CHEK2: variants seen among roughly 807,000 people sequenced by gnomAD.
The protein encoded by CHEK2 is serine/threonine-protein kinase Chk2.
CHEK2 carries 71 observed loss-of-function variants against 69.1 expected under a neutral mutation model. That is an observed-to-expected ratio of 1.03 (90% CI 0.85 to 1.25). The LOEUF (loss-of-function observed/expected upper bound fraction) is 1.25. Among genes scored for constraint, CHEK2 ranks in the 50% most tolerant of loss-of-function variants. CHEK2 has a pLI of 0.00. For synonymous variants in CHEK2, 189 were observed against 226.9 expected (o/e 0.83, Z 1.50); for missense variants, 664 against 649.6 (o/e 1.02, Z -0.24).
chr22:28,741,366 C>G (rs773567546), intron 1 of CHEK2, among the ~76,000 whole-genome samples: 1 of 151,640 alleles, frequency 6.6e-6, no homozygotes, highest in Non-Finnish European at 1.5e-5. Context: ...TATTTAGGGA[C>G]ACGCAGAACA....
chr22:28,725,395 GC>G (rs1399708061), intron 2 of CHEK2, 28 bp from the exon 3 acceptor site: 1 of 1,613,752 alleles, frequency 6.2e-7, no homozygotes, highest in Non-Finnish European at 8.5e-7. Flanking sequence ...GCATCAGAGG[GC>G]TGTTGAATTT....
At chr22:28,723,809 C>T (rs1413079986) in intron 4 of CHEK2, among the ~76,000 whole-genome samples, 2 of 151,502 alleles carry the variant, frequency 1.3e-5, no homozygotes, top group African/African-American at 2.4e-5. Context: ...ATTAGCCAGG[C>T]GTGGTGGCAT....
At chr22:28,722,502 T>TG (rs2053825277) in intron 4 of CHEK2, among the ~76,000 whole-genome samples, 1 of 131,032 alleles carries the variant, frequency 7.6e-6, no homozygotes, top group African/African-American at 3.0e-5. Context: ...ATCATGCCAC[T>TG]GCACTCCAGC....
At chr22:28,734,332 C>T in intron 2 of CHEK2, 71 bp downstream of exon 2, 1 of 1,474,654 alleles carries the variant, frequency 6.8e-7, no homozygotes. Flanking sequence ...CAGAACCTTC[C>T]ACCTGGTAAT....
Position 28,699,347 on chromosome 22 carries a change from C to G in CHEK2, c.1008+491G>C, listed in dbSNP as rs141915434. 2.0e-5 allele frequency among the ~76,000 whole-genome samples: 3 copies of G among 147,830 alleles called. 1 individual carries two copies. Among genetic ancestry groups the G allele is most frequent in the African/African-American group, 7.4e-5 (3 of 40,398 alleles). On this transcript the variant is annotated intron_variant, in intron 9 of 14. Transcript: ENST00000404276. ...CTTTCTTACTTTCTCTTAAGCTACACAGTGAGAGCTTTTTCTTTTTTTTTT... is the reference window on the plus strand; with the variant it reads ...CTTTCTTACTTTCTCTTAAGCTACAGAGTGAGAGCTTTTTCTTTTTTTTTT...
intron 4 of CHEK2, among the ~76,000 whole-genome samples, chr22:28,724,067 G>C (rs964693790): frequency 7.9e-5 from 12 of 152,178 alleles, no homozygotes; most frequent in African/African-American, 2.9e-4. Context: ...GGTATAAACT[G>C]AATCAATCAA....
At chr22:28,702,229 C>A (rs1343504501) in intron 8 of CHEK2, among the ~76,000 whole-genome samples, 1 of 131,804 alleles carries the variant, frequency 7.6e-6, no homozygotes, top group Admixed American at 8.1e-5. Flanking sequence ...TACTTTCTTT[C>A]TCTATTTTTT....
chr22:28,712,256 C>T, intron 5 of CHEK2: 2 of 548,504 alleles, frequency 3.6e-6, no homozygotes, highest in East Asian at 6.1e-5. Context: ...AAACATGGGT[C>T]TTACTGTAGC....
intron 4 of CHEK2, among the ~76,000 whole-genome samples, chr22:28,724,133 G>A (rs1157236623): frequency 6.6e-6 from 1 of 152,040 alleles, no homozygotes; most frequent in African/African-American, 2.4e-5. Flanking sequence ...ATATGGGCCA[G>A]GCGGGGGCTC....
chr22:28,727,567 T>C (rs1001075328), intron 2 of CHEK2, among the ~76,000 whole-genome samples: 3 of 152,186 alleles, frequency 2.0e-5, no homozygotes, highest in African/African-American at 7.2e-5. Context: ...TAATTAAATG[T>C]TCATTGCAAG....
chr22:28,691,504 T>C (rs1423842245), intron 13 of CHEK2, among the ~76,000 whole-genome samples: 3 of 152,378 alleles, frequency 2.0e-5, no homozygotes, highest in Admixed American at 6.5e-5. Context: ...TAAATAAACA[T>C]TGATTTTCTT....
chr22:28,695,850 C>T lies in CHEK2; in HGVS notation c.1119G>A (p.Lys373=), dbSNP rs2145806422. The T allele has an allele frequency of 6.2e-7, 1 of 1,613,470 alleles. No individual in the cohort carries two copies. Among genetic ancestry groups the T allele is most frequent in the Non-Finnish European group, 8.5e-7 (1 of 1,179,430 alleles). The change falls in exon 11 of 15, where the codon AAG becomes AAA. Residue 373 remains lysine, a synonymous_variant. Coordinates refer to ENST00000404276, the MANE Select transcript of CHEK2 (RefSeq NM_007194.4). ...TCATGAGAGAGGTCTCTCCCAAAAT[C>T]TTGGAGTGCCCAAAATCAGTAATCT... is the stretch of plus-strand genomic sequence containing the variant. The part of the protein sequence containing the change: ...LIKITDFGHS[K]ILGETSLMRT...
Position 28,724,989 on chromosome 22 carries a change from T to A in CHEK2, c.580A>T (p.Ser194Cys), listed in dbSNP as rs786203042. The A allele has an allele frequency of 1.9e-6, 3 of 1,614,086 alleles. No individual in the cohort carries two copies. The highest frequency in any genetic ancestry group is 2.5e-6 in the Non-Finnish European group (3 of 1,179,982). Residue 194 changes from serine (S) to cysteine (C), a missense_variant, in exon 4 of 15, where the codon AGC becomes TGC. Ser to Cys is a moderately radical substitution (Grantham distance 112, BLOSUM62 -1). Coordinates refer to ENST00000404276, the MANE Select transcript of CHEK2 (RefSeq NM_007194.4). ...NNNSEIALSL[S>C]RNKVFVFFDL... ...ATAATAATATTACCTTTATTTCTGC[T>A]TAGTGACAGTGCAATTTCAGAATTG...
intron 1 of CHEK2, among the ~76,000 whole-genome samples, chr22:28,738,325 C>T (rs1250869181): frequency 6.6e-6 from 1 of 152,196 alleles, no homozygotes; most frequent in African/African-American, 2.4e-5. Context: ...CTGAGCCAGG[C>T]TGAGTCTTCC....
intron 2 of CHEK2, among the ~76,000 whole-genome samples, chr22:28,727,697 A>G (rs2054060854): frequency 6.6e-6 from 1 of 152,238 alleles, no homozygotes; most frequent in Non-Finnish European, 1.5e-5. Context: ...TAGGTAAAGG[A>G]TATGAAAAGA....
At chr22:28,736,505 A>G (rs945610124) in intron 1 of CHEK2, among the ~76,000 whole-genome samples, 14 of 152,344 alleles carry the variant, frequency 9.2e-5, no homozygotes, top group African/African-American at 3.4e-4. Context: ...GTGATGCTAA[A>G]TAACCATAGG....
intron 7 of CHEK2, among the ~76,000 whole-genome samples, chr22:28,707,797 A>G (rs2145913314): frequency 6.7e-6 from 1 of 150,042 alleles, no homozygotes; most frequent in South Asian, 2.1e-4. Flanking sequence ...ATCATCTGAC[A>G]TCAGAGAAAA....
chr22:28,721,280 G>GT (rs1289166971), intron 4 of CHEK2, among the ~76,000 whole-genome samples: 3 of 133,792 alleles, frequency 2.2e-5, no homozygotes, highest in Non-Finnish European at 3.2e-5. Flanking sequence ...TGTTTGTTTG[G>GT]GTTTTTTTTT....
At chr22:28,740,283 C>T (rs1569178433) in intron 1 of CHEK2, among the ~76,000 whole-genome samples, 1 of 152,144 alleles carries the variant, frequency 6.6e-6, no homozygotes. Flanking sequence ...ATTCTTTGGT[C>T]ATAAGAGCAG....
Sources: gnomAD v4.1 joint callset for allele counts (sites outside exome capture counted in the v4.1 genomes callset) on GRCh38, gnomAD v4.1.1 for gene constraint, MANE v1.5 for transcripts, NCBI Gene and HGNC (gene_info 2026-07-23, HGNC 2026-07-21) for gene names.